The following SPOCK1 variants were observed in gnomAD, a reference collection of about 807,000 sequenced individuals.
SPOCK1 encodes testican-1.
Under a neutral mutation model 55.3 loss-of-function variants are expected in SPOCK1, and 23 were observed. The observed-to-expected ratio is 0.42, with a 90% CI of 0.30 to 0.59. The LOEUF is 0.59. Ranked by LOEUF, SPOCK1 falls within the 20% of genes least tolerant of loss-of-function variation. The probability of loss-of-function intolerance (pLI) is 0.22; values close to 1 mark genes in which losing one functional copy is unlikely to be tolerated. For missense variants in SPOCK1, 499 were observed against 552.5 expected, an observed-to-expected ratio of 0.90 and a Z score of 0.97; for synonymous variants, 226 against 221.0, an observed-to-expected ratio of 1.02 and a Z score of -0.20.
At chr5:137,015,866 T>C (rs1751439821) in intron 6 of SPOCK1, among the ~76,000 whole-genome samples, 1 of 152,146 alleles carries the variant, frequency 6.6e-6, no homozygotes, top group Non-Finnish European at 1.5e-5. Context: ...CAGGATACCA[T>C]TTTAAAAGGC....
chr5:137,497,839 C>A lies in SPOCK1; in HGVS notation c.186+534G>T, dbSNP rs552761788. Among the ~76,000 whole-genome samples the A allele has an allele frequency of 3.4e-5, 5 of 148,992 alleles. No homozygotes were observed. In the South Asian group the frequency reaches 1.0e-3, roughly 31 times the overall value. On this transcript the variant is annotated intron_variant, in intron 2 of 10. Coordinates refer to ENST00000394945, the MANE Select transcript of SPOCK1 (RefSeq NM_004598.4). ...TTTATCAGGCCCATTGCCATGACCG[C>A]CTCCCTCAACACACACACACACACA...
intron 3 of SPOCK1, among the ~76,000 whole-genome samples, chr5:137,184,873 C>T (rs1755036869): frequency 6.6e-6 from 1 of 152,134 alleles, no homozygotes; most frequent in Admixed American, 6.5e-5. Flanking sequence ...GAGCCCTGCC[C>T]CTCAAATGTT....
At chr5:137,247,126 G>A (rs1756410802) in intron 3 of SPOCK1, among the ~76,000 whole-genome samples, 1 of 152,174 alleles carries the variant, frequency 6.6e-6, no homozygotes, top group Admixed American at 6.5e-5. Context: ...AACCACGGAG[G>A]GAAGGCAGAA....
At chr5:137,343,969 G>C (rs1750497617) in intron 2 of SPOCK1, among the ~76,000 whole-genome samples, 1 of 152,202 alleles carries the variant, frequency 6.6e-6, no homozygotes, top group Non-Finnish European at 1.5e-5. Flanking sequence ...AACCAGGCTA[G>C]GGTCCACAGG....
At chr5:137,376,984 T>C (rs1337505292) in intron 2 of SPOCK1, among the ~76,000 whole-genome samples, 1 of 152,204 alleles carries the variant, frequency 6.6e-6, no homozygotes, top group African/African-American at 2.4e-5. Flanking sequence ...TCCTAACTCA[T>C]GAAGGAAAGA....
At chr5:137,491,936 A>C (rs1754188667) in intron 2 of SPOCK1, among the ~76,000 whole-genome samples, 1 of 152,220 alleles carries the variant, frequency 6.6e-6, no homozygotes, top group South Asian at 2.1e-4. Context: ...TGTTGATATT[A>C]ATAAAAAGAA....
chr5:137,445,581 A>G (rs527323171), intron 2 of SPOCK1, among the ~76,000 whole-genome samples: 6 of 152,348 alleles, frequency 3.9e-5, no homozygotes, highest in Admixed American at 2.6e-4. Flanking sequence ...GAATGCAAAC[A>G]TTATTTCCCA....
chr5:137,261,208 G>A (rs1462517779), intron 3 of SPOCK1, among the ~76,000 whole-genome samples: 1 of 152,068 alleles, frequency 6.6e-6, no homozygotes, highest in Non-Finnish European at 1.5e-5. Context: ...AAAGCTATGG[G>A]GACTTAAGAT....
intron 6 of SPOCK1, among the ~76,000 whole-genome samples, chr5:137,017,974 C>T (rs1580709693): frequency 6.6e-6 from 1 of 152,296 alleles, no homozygotes; most frequent in East Asian, 1.9e-4. Context: ...TAAAAGTCCC[C>T]AAAGCTTAGA....
intron 2 of SPOCK1, among the ~76,000 whole-genome samples, chr5:137,342,531 C>T (rs970050798): frequency 1.2e-4 from 19 of 152,168 alleles, no homozygotes; most frequent in Non-Finnish European, 2.6e-4. Context: ...CCTACCCATT[C>T]AGGAGCAAAT....
intron 2 of SPOCK1, among the ~76,000 whole-genome samples, chr5:137,478,122 G>T (rs2974499): frequency 5.6e-4 from 85 of 152,054 alleles, no homozygotes; most frequent in African/African-American, 1.9e-3. Flanking sequence ...AAGATTAAAC[G>T]GGCTATGTGT....
chr5:137,228,915 G>A (rs940114009), intron 3 of SPOCK1, among the ~76,000 whole-genome samples: 3 of 152,160 alleles, frequency 2.0e-5, no homozygotes, highest in South Asian at 2.1e-4. Context: ...CTGCAATCCC[G>A]CATTGGTCTT....
At chr5:137,411,659 C>T (rs985006025) in intron 2 of SPOCK1, among the ~76,000 whole-genome samples, 3 of 152,176 alleles carry the variant, frequency 2.0e-5, no homozygotes, top group Admixed American at 6.5e-5. Context: ...GTGCCACCTC[C>T]CCTCATGGGC....
chr5:137,424,530 C>T (rs751455043), intron 2 of SPOCK1, among the ~76,000 whole-genome samples: 7 of 152,324 alleles, frequency 4.6e-5, no homozygotes, highest in Non-Finnish European at 8.8e-5. Flanking sequence ...GCCATGAATG[C>T]TCACGGCAAA....
At chr5:137,315,558 G>GC (rs549916824) in intron 2 of SPOCK1, among the ~76,000 whole-genome samples, 129 of 152,326 alleles carry the variant, frequency 8.5e-4, no homozygotes, top group Middle Eastern at 3.4e-3. Context: ...AGACCTCCAT[G>GC]CCAGGACATG....
At chr5:137,080,230 C>T (rs76125576) in intron 5 of SPOCK1, among the ~76,000 whole-genome samples, 1,663 of 152,226 alleles carry the variant, frequency 0.011, 23 homozygotes, top group African/African-American at 0.038. Flanking sequence ...TCACAGATGT[C>T]GTTTGGCCAA....
At chr5:137,271,084 GT>G (rs1353288980) in intron 2 of SPOCK1, among the ~76,000 whole-genome samples, 3 of 152,010 alleles carry the variant, frequency 2.0e-5, no homozygotes, top group Admixed American at 6.6e-5. Flanking sequence ...AACCATCCAT[GT>G]CCAGGATGAA....
intron 3 of SPOCK1, among the ~76,000 whole-genome samples, chr5:137,258,102 T>G (rs116113088): frequency 6.6e-6 from 1 of 152,268 alleles, no homozygotes; most frequent in Non-Finnish European, 1.5e-5. Flanking sequence ...TTCTTGCCTT[T>G]TTCATGTGCA....
intron 3 of SPOCK1, among the ~76,000 whole-genome samples, chr5:137,243,543 G>C (rs899934703): frequency 2.0e-5 from 3 of 152,138 alleles, no homozygotes; most frequent in African/African-American, 7.2e-5. Context: ...GATAATGGAA[G>C]ACTTATTCAT....
Sources: gnomAD v4.1 joint callset for allele counts (sites outside exome capture counted in the v4.1 genomes callset) on GRCh38, gnomAD v4.1.1 for gene constraint, MANE v1.5 for transcripts, NCBI Gene and HGNC (gene_info 2026-07-23, HGNC 2026-07-21) for gene names.